MICAL3: variants seen among roughly 807,000 people sequenced by gnomAD.
MICAL3 encodes the protein [F-actin]-monooxygenase MICAL3.
MICAL3 carries 62 observed loss-of-function variants against 207.4 expected under a neutral mutation model. The ratio of observed to expected loss-of-function variants is 0.30; its 90% CI spans 0.24 to 0.37. The LOEUF (loss-of-function observed/expected upper bound fraction) is 0.37. MICAL3 is among the 10% of genes least tolerant of loss of function. The pLI is 1.00. For missense variants in MICAL3, 2,368 were observed against 2,635.6 expected (o/e 0.90, Z 2.22); for synonymous variants, 1,077 against 1,069.3 (o/e 1.01, Z -0.14).
chr22:17,868,230 A>C (rs114425466), intron 17 of MICAL3, among the ~76,000 whole-genome samples: 1,576 of 152,162 alleles, frequency 0.01, 27 homozygotes, highest in African/African-American at 0.035. Flanking sequence ...ATAGGTGGAG[A>C]TATTCAATGA....
chr22:17,934,580 T>C (rs1342987472), intron 1 of MICAL3, among the ~76,000 whole-genome samples: 12 of 152,104 alleles, frequency 7.9e-5, no homozygotes, highest in Non-Finnish European at 1.3e-4. Context: ...CCACTCCTAT[T>C]CAACACAGTG....
At chr22:17,886,124 T>G in intron 15 of MICAL3, 73 bp from the exon 16 acceptor site, 21 of 1,532,228 alleles carry the variant, frequency 1.4e-5, no homozygotes, top group Non-Finnish European at 1.9e-5. Flanking sequence ...CTCACAGAAG[T>G]GCACTCAGGA....
intron 18 of MICAL3, among the ~76,000 whole-genome samples, chr22:17,865,328 A>G (rs1196956697): frequency 6.6e-6 from 1 of 152,178 alleles, no homozygotes. Flanking sequence ...GGGGACTGAC[A>G]GGCAGGCGTG....
intron 15 of MICAL3, among the ~76,000 whole-genome samples, chr22:17,886,666 A>G (rs1929895542): frequency 6.6e-6 from 1 of 152,090 alleles, no homozygotes; most frequent in Admixed American, 6.6e-5. Context: ...TTAGCAGGAC[A>G]TGGTGATGCA....
chr22:17,860,263 T>C, intron 19 of MICAL3: 1 of 984,890 alleles, frequency 1.0e-6, no homozygotes, highest in Non-Finnish European at 1.2e-6. Context: ...AAAACAAAGT[T>C]ACACAATTAA....
At chr22:17,837,669 C>G (rs561156133) in intron 20 of MICAL3, among the ~76,000 whole-genome samples, 1 of 152,320 alleles carries the variant, frequency 6.6e-6, no homozygotes, top group East Asian at 1.9e-4. Flanking sequence ...AAGGTAGAGG[C>G]ATGAAGCTGA....
chr22:17,864,965 C>T lies in MICAL3; in HGVS notation c.2539G>A (p.Asp847Asn), dbSNP rs904657909. 3.1e-6 allele frequency: 5 copies of T among 1,608,540 alleles called. No individual in the cohort carries two copies. The highest frequency in any genetic ancestry group is 4.3e-6 in the Non-Finnish European group (5 of 1,175,470). ...SGKEAKGPLQ[D>N]GATTDANGRA... The stretch of plus-strand genomic sequence containing the variant: ...CCGTTTGCATCTGTGGTGGCGCCAT[C>T]CTGCAGGGGTCCTTTGGCCTCCTAG... The change falls in exon 19 of 32, where the codon GAT becomes AAT. Residue 847 changes from aspartate to asparagine, a missense_variant. Around this residue, in one of 4 missense-constraint regions of MICAL3, gnomAD observed 1,770 missense variants for 1,863.2 expected, o/e 0.95. Coordinates refer to ENST00000441493, the MANE Select transcript of MICAL3 (RefSeq NM_015241.3).
chr22:17,809,119 T>C (rs146388410), intron 28 of MICAL3, among the ~76,000 whole-genome samples, 182 bp from the exon 29 acceptor site: 74 of 152,320 alleles, frequency 4.9e-4, no homozygotes, highest in Admixed American at 9.1e-4. Context: ...CTAGCTTGTG[T>C]AGACGCCAGG....
intron 1 of MICAL3, among the ~76,000 whole-genome samples, chr22:17,982,763 AAT>A (rs68104212): frequency 0.21 from 30,882 of 145,050 alleles, 3,461 homozygotes; most frequent in Middle Eastern, 0.29. Context: ...AAAAAAGTAA[AAT>A]AAAGTAAAAT....
chr22:17,808,161 T>C (rs2062007299), intron 29 of MICAL3, among the ~76,000 whole-genome samples: 1 of 152,224 alleles, frequency 6.6e-6, no homozygotes, highest in Non-Finnish European at 1.5e-5. Flanking sequence ...GTTCCCTGGA[T>C]GGAATGGCAG....
intron 21 of MICAL3, 82 bp downstream of exon 21, chr22:17,831,772 C>T (rs1922835353): frequency 1.3e-6 from 2 of 1,497,562 alleles, no homozygotes; most frequent in Non-Finnish European, 1.8e-6. Flanking sequence ...TGACGTCAGC[C>T]CCAGAAACCT....
At chr22:17,857,035 TG>T (rs1925994053) in intron 19 of MICAL3, among the ~76,000 whole-genome samples, 1 of 152,208 alleles carries the variant, frequency 6.6e-6, no homozygotes, top group East Asian at 1.9e-4. Context: ...GTCTTAGTTC[TG>T]GGGAACAGGG....
chr22:18,015,681 G>A (rs554033573), intron 1 of MICAL3, among the ~76,000 whole-genome samples: 66 of 152,104 alleles, frequency 4.3e-4, no homozygotes, highest in African/African-American at 1.5e-3. Context: ...GACCACGCGC[G>A]ACCCTAAGAC....
At chr22:17,895,516 A>G (rs1305547899) in intron 9 of MICAL3, 106 bp from the exon 10 acceptor site, 21 of 1,285,092 alleles carry the variant, frequency 1.6e-5, no homozygotes, top group Non-Finnish European at 2.1e-5. Flanking sequence ...GACATGCCTG[A>G]CAAATCCTCA....
At chr22:17,803,689 G>T in intron 29 of MICAL3, 1 of 294,674 alleles carries the variant, frequency 3.4e-6, no homozygotes, top group South Asian at 1.3e-4. Context: ...AAAAGGGTCT[G>T]TGCTTTTGCC....
Position 17,810,259 on chromosome 22 carries a change from T to C in MICAL3, c.5556+444A>G, listed in dbSNP as rs183210692. Reference sequence around the variant, plus strand: ...TTGTATTTTTAGTAGAGACGGGGGTTTCACCGTGTTAGCCAGGATGGTCTC... The same window carrying C: ...TTGTATTTTTAGTAGAGACGGGGGTCTCACCGTGTTAGCCAGGATGGTCTC... On this transcript the variant is annotated intron_variant, in intron 28 of 31. Transcript: ENST00000441493. 1.1e-4 allele frequency among the ~76,000 whole-genome samples: 17 copies of C among 152,088 alleles called. No homozygotes were observed. The East Asian group carries it at 3.3e-3, about 29-fold the overall frequency.
At chr22:17,970,250 T>C (rs1935340329) in intron 1 of MICAL3, among the ~76,000 whole-genome samples, 1 of 152,200 alleles carries the variant, frequency 6.6e-6, no homozygotes, top group Admixed American at 6.5e-5. Context: ...TGAATGGGAT[T>C]TGAGAATGGA....
rs1927765206 is a variant in MICAL3 at position 17,871,942 on chromosome 22, C to T, written c.2323G>A (p.Glu775Lys). Residue 775 changes from glutamate to lysine, a missense_variant, in exon 17 of 32, where the codon GAG becomes AAG. Glu to Lys is a moderately conservative substitution (Grantham distance 56). Transcript: ENST00000441493. ...AACTTGCCCTCGGCACTCAGCCTCT[C>T]CATCACGTAGACCCGCTTCTGGCAG... is the stretch of plus-strand genomic sequence containing the variant. The part of the protein sequence containing the change: ...YFCQKRVYVM[E>K]RLSAEGKFFH... 2 of 1,611,176 alleles carry T rather than the reference C, an allele frequency of 1.2e-6. No homozygotes were observed. The highest frequency in any genetic ancestry group is 1.3e-5 in the African/African-American group (1 of 74,924).
In MICAL3 at chr22:17,839,258, AT is replaced by A. The variant is rs58568915; in HGVS notation, c.2801+2563del. Among the ~76,000 whole-genome samples the A allele has an allele frequency of 1.1e-3, 121 of 110,362 alleles. 1 individual carries two copies. The highest frequency in any genetic ancestry group is 7.5e-3 in the Middle Eastern group (1 of 134). 72.4% of individuals were successfully genotyped at this position (110,362 alleles called of 152,430 possible). Reference sequence around the variant, plus strand: ...GCTACCGCACCAGGCCGGGCTCTTCATTTTTTTTTTTTTTTTTGAGACGAAG... The same window carrying A: ...GCTACCGCACCAGGCCGGGCTCTTCATTTTTTTTTTTTTTTTGAGACGAAG... On this transcript the variant is annotated intron_variant, in intron 20 of 31. Coordinates refer to ENST00000441493, the MANE Select transcript of MICAL3 (RefSeq NM_015241.3).
Sources: allele counts gnomAD v4.1 joint callset (sites outside exome capture counted in the v4.1 genomes callset), GRCh38; gene constraint gnomAD v4.1.1; regional missense constraint gnomAD v4.1.1; transcripts MANE v1.5; gene names NCBI Gene and HGNC (gene_info 2026-07-23, HGNC 2026-07-21).